Variants in ANO10 observed in about 807,000 individuals in gnomAD.
ANO10 encodes the protein anoctamin 10.
Under a neutral mutation model 74.7 loss-of-function variants are expected in ANO10, and 77 were observed. The observed-to-expected ratio is 1.03, with a 90% CI of 0.86 to 1.25. The LOEUF (loss-of-function observed/expected upper bound fraction) is 1.25, where lower values mean the gene tolerates loss of function less well. ANO10 is among the 50% of genes most tolerant of loss of function. The pLI, the probability that ANO10 is intolerant of heterozygous loss-of-function variation, is 0.00. For synonymous variants in ANO10, 279 were observed against 284.9 expected, an observed-to-expected ratio of 0.98 and a Z score of 0.21; for missense variants, 721 against 778.1, an observed-to-expected ratio of 0.93 and a Z score of 0.87.
intron 10 of ANO10, among the ~76,000 whole-genome samples, chr3:43,552,419 T>C (rs1011397851): frequency 6.6e-6 from 1 of 151,996 alleles, no homozygotes; most frequent in Non-Finnish European, 1.5e-5. Context: ...TACATATATT[T>C]AGAATCATTG....
intron 12 of ANO10, among the ~76,000 whole-genome samples, chr3:43,422,251 G>T (rs930725751): frequency 2.0e-5 from 3 of 152,062 alleles, no homozygotes; most frequent in Non-Finnish European, 4.4e-5. Context: ...TGAGTAGCTG[G>T]GATTACAGGT....
At chr3:43,667,369 G>T (rs193263726) in intron 1 of ANO10, among the ~76,000 whole-genome samples, 1 of 152,042 alleles carries the variant, frequency 6.6e-6, no homozygotes, top group African/African-American at 2.4e-5. Flanking sequence ...GATTACACGC[G>T]TGGGCCACTG....
chr3:43,689,188 G>C (rs1313892186), intron 1 of ANO10: 1 of 152,202 alleles, frequency 6.6e-6, no homozygotes, highest in Non-Finnish European at 1.5e-5. Flanking sequence ...TAACACTGGA[G>C]ATCACAATTC....
At chr3:43,642,523 A>C (rs1290057688) in intron 1 of ANO10, among the ~76,000 whole-genome samples, 1 of 152,134 alleles carries the variant, frequency 6.6e-6, no homozygotes, top group African/African-American at 2.4e-5. Flanking sequence ...ATTGGTCCCA[A>C]TTGTTTTCCA....
chr3:43,604,966 G>GT lies in ANO10; in HGVS notation c.139+747dup, dbSNP rs199744720. Among the ~76,000 whole-genome samples, 739 of 149,410 alleles carry GT rather than the reference G, an allele frequency of 4.9e-3. 5 individuals are homozygous for GT. Among genetic ancestry groups the GT allele is most frequent in the African/African-American group, 0.017 (692 of 40,770 alleles). ...GAAATAACTTCAGTTTATAGTAACA[G>GT]TTTTTTTTTTAAAGAGTCTAAGTCT... On this transcript the variant is annotated intron_variant, in intron 2 of 12. Coordinates refer to ENST00000292246, the MANE Select transcript of ANO10 (RefSeq NM_018075.5).
chr3:43,633,241 T>C lies in ANO10; in HGVS notation c.-11-27378A>G, dbSNP rs2149559904. Among the ~76,000 whole-genome samples the C allele has an allele frequency of 3.3e-5, 5 of 152,318 alleles. No homozygotes were observed. The South Asian group carries it at 1.0e-3, about 32-fold the overall frequency. The stretch of plus-strand genomic sequence containing the variant: ...AAAACCACAATAACTTTTGCATCAA[T>C]ATAATATATAAACTGTTTCCATCCT... On this transcript the variant is annotated intron_variant, in intron 1 of 3. Transcript: ENST00000413397.
At chr3:43,571,862 T>TAAAAAA (rs35839099) in intron 7 of ANO10, among the ~76,000 whole-genome samples, 40 of 118,516 alleles carry the variant, frequency 3.4e-4, no homozygotes, top group East Asian at 5.2e-4. Context: ...TTTCCTACAT[T>TAAAAAA]AAAAAAAAAA....
rs190571419 is a variant in ANO10 at position 43,620,740 on chromosome 3, G to A, written c.-12+1169C>T. Reference sequence around the variant, plus strand: ...ACATTGTGCCACTGCACTCCAGCCTGAGCGACAGAGCAAGACTCCGTCTCA... The same window carrying A: ...ACATTGTGCCACTGCACTCCAGCCTAAGCGACAGAGCAAGACTCCGTCTCA... On this transcript the variant is annotated intron_variant, in intron 1 of 12. Transcript: ENST00000292246. 1.7e-3 allele frequency among the ~76,000 whole-genome samples: 258 copies of A among 152,314 alleles called. 4 individuals are homozygous for A. Among genetic ancestry groups the A allele is most frequent in the Admixed American group, 0.015 (229 of 15,300 alleles).
At chr3:43,524,709 A>G (rs2149226884) in intron 11 of ANO10, among the ~76,000 whole-genome samples, 1 of 152,212 alleles carries the variant, frequency 6.6e-6, no homozygotes, top group African/African-American at 2.4e-5. Context: ...CAATGAACAC[A>G]TCTGGGCTCT....
intron 1 of ANO10, among the ~76,000 whole-genome samples, chr3:43,639,350 G>C (rs997507083): frequency 1.3e-5 from 2 of 152,188 alleles, no homozygotes; most frequent in African/African-American, 4.8e-5. Context: ...ACTAGATCTA[G>C]AGGGCTCCCG....
intron 1 of ANO10, among the ~76,000 whole-genome samples, chr3:43,667,084 T>G (rs1430542206): frequency 8.1e-5 from 11 of 136,538 alleles, no homozygotes; most frequent in Admixed American, 2.2e-4. Context: ...TTTTTTTTTT[T>G]TTTTTTTTTT....
intron 7 of ANO10, among the ~76,000 whole-genome samples, chr3:43,572,287 G>A (rs2080770877): frequency 6.6e-6 from 1 of 152,156 alleles, no homozygotes; most frequent in South Asian, 2.1e-4. Context: ...TTCCTTGCTG[G>A]GCCTGGGACT....
At chr3:43,557,659 T>C (rs1187250620) in intron 9 of ANO10, among the ~76,000 whole-genome samples, 2 of 136,622 alleles carry the variant, frequency 1.5e-5, no homozygotes, top group Non-Finnish European at 3.0e-5. Context: ...GGTATAAACC[T>C]GGGAGGCGGA....
chr3:43,381,718 A>T (rs1307005973), intron 12 of ANO10, among the ~76,000 whole-genome samples: 1 of 152,234 alleles, frequency 6.6e-6, no homozygotes, highest in Non-Finnish European at 1.5e-5. Context: ...GAACAAATGG[A>T]CTTAACAGAT....
chr3:43,477,801 A>T (rs1010169836), intron 11 of ANO10, among the ~76,000 whole-genome samples: 1 of 152,154 alleles, frequency 6.6e-6, no homozygotes, highest in Non-Finnish European at 1.5e-5. Flanking sequence ...CTTAACATAG[A>T]AGGTGCCTGT....
intron 1 of ANO10, among the ~76,000 whole-genome samples, chr3:43,655,352 G>A (rs1425681131): frequency 3.3e-5 from 5 of 152,136 alleles, no homozygotes; most frequent in East Asian, 3.9e-4. Flanking sequence ...TCGTGGTCTC[G>A]CTGGCTCAGG....
chr3:43,372,035 G>C (rs17075623), intron 12 of ANO10, among the ~76,000 whole-genome samples: 3,926 of 152,246 alleles, frequency 0.026, 174 homozygotes, highest in African/African-American at 0.087. Context: ...GTCCTGGAGG[G>C]AGTTACATCC....
At chr3:43,432,289 T>C (rs1006093509) in intron 12 of ANO10, among the ~76,000 whole-genome samples, 1 of 152,202 alleles carries the variant, frequency 6.6e-6, no homozygotes, top group African/African-American at 2.4e-5. Context: ...AATGTTTCAG[T>C]AGATGGCAAA....
intron 12 of ANO10, among the ~76,000 whole-genome samples, chr3:43,381,100 T>C (rs146124435): frequency 6.6e-6 from 1 of 152,094 alleles, no homozygotes; most frequent in Non-Finnish European, 1.5e-5. Flanking sequence ...AAGAACAGCA[T>C]GAGGGTAACC....
Sources: allele counts gnomAD v4.1 joint callset (sites outside exome capture counted in the v4.1 genomes callset), GRCh38; gene constraint gnomAD v4.1.1; transcripts MANE v1.5; gene names NCBI Gene and HGNC (gene_info 2026-07-23, HGNC 2026-07-21).